SYTL5: variants seen among roughly 807,000 people sequenced by gnomAD.
The protein encoded by SYTL5 is synaptotagmin-like protein 5.
In SYTL5, 34 loss-of-function variants were observed where a neutral mutation model predicts 55.9. That is an observed-to-expected ratio of 0.61 (90% CI 0.46 to 0.81). SYTL5 has a LOEUF of 0.81. Among genes scored for constraint, SYTL5 ranks in the 30% least tolerant of loss-of-function variants. The pLI, the probability that SYTL5 is intolerant of heterozygous loss-of-function variation, is 0.00. For missense variants in SYTL5, 637 were observed against 546.7 expected (o/e 1.17, Z -1.65); for synonymous variants, 221 against 188.7 (o/e 1.17, Z -1.40).
the SYTL5 span, among the ~76,000 whole-genome samples, chrX:37,904,219 G>T: frequency 9.6e-6 from 1 of 103,835 alleles, no homozygotes; most frequent in African/African-American, 3.5e-5. Context: ...TAAGAATTTT[G>T]ATCCAATCTT....
In SYTL5 at chrX:38,089,595, C is replaced by A. The variant is rs1261058387; in HGVS notation, c.831+8C>A. 5.0e-6 allele frequency: 6 copies of A among 1,203,790 alleles called. No homozygotes were observed. The highest frequency in any genetic ancestry group is 3.6e-5 in the South Asian group (2 of 55,336). Reference sequence around the variant, plus strand: ...ACCTCAGTCATCAGTAGAGTAAGTACACAAACCTGATGAACACCGTATTAG... The same window carrying A: ...ACCTCAGTCATCAGTAGAGTAAGTAAACAAACCTGATGAACACCGTATTAG... On this transcript the variant is annotated splice_region_variant and intron_variant, in intron 7 of 16. Coordinates refer to ENST00000297875, the MANE Select transcript of SYTL5 (RefSeq NM_138780.3).
intron 10 of SYTL5, among the ~76,000 whole-genome samples, chrX:38,103,530 T>G (rs1937134273): frequency 9.1e-6 from 1 of 110,407 alleles, no homozygotes; most frequent in Non-Finnish European, 1.9e-5. Flanking sequence ...TACAGAGATC[T>G]AGTATAGACA....
At chrX:38,086,611 T>G (rs1936665892) in intron 6 of SYTL5, among the ~76,000 whole-genome samples, 1 of 111,987 alleles carries the variant, frequency 8.9e-6, no homozygotes, top group Non-Finnish European at 1.9e-5. Flanking sequence ...TATTTAAATC[T>G]GAGTAACATT....
chrX:37,895,695 G>A, the SYTL5 span, among the ~76,000 whole-genome samples: 101 of 109,001 alleles, frequency 9.3e-4, no homozygotes, highest in African/African-American at 3.3e-3. Flanking sequence ...AAAAACGTAG[G>A]AAGGCAAGAC....
intron 1 of SYTL5, among the ~76,000 whole-genome samples, chrX:38,023,309 T>G (rs570267259): frequency 3.9e-4 from 44 of 112,161 alleles, no homozygotes; most frequent in African/African-American, 1.2e-3. Flanking sequence ...GGCTTCTTAC[T>G]CTAGTCAGTC....
chrX:38,076,324 C>A (rs945876199), intron 5 of SYTL5, among the ~76,000 whole-genome samples: 15 of 111,628 alleles, frequency 1.3e-4, no homozygotes, highest in African/African-American at 4.9e-4. Context: ...AATAGGCAGT[C>A]TTTTGCTTAG....
At chrX:37,994,441 G>A in the SYTL5 span, 6 of 126,271 alleles carry the variant, frequency 4.8e-5, no homozygotes, top group Non-Finnish European at 7.6e-5. Flanking sequence ...TTGGAACGCT[G>A]CCTGCGAGAA....
chrX:38,089,386 C>T, intron 6 of SYTL5, 60 bp from the exon 7 acceptor site: 8 of 1,136,544 alleles, frequency 7.0e-6, no homozygotes, highest in Non-Finnish European at 9.4e-6. Flanking sequence ...TTTACTCTGC[C>T]TGTGTATTTG....
rs904399587 is a variant in SYTL5, at chrX:38,126,890, T to C, written c.*160T>C. On this transcript the variant is annotated 3_prime_UTR_variant, in exon 17 of 17. Transcript: ENST00000297875. ...GTCAGTAGTATGAACATTTAGGGTC[T>C]TGCTGAGTGCCTAAAAAACATATAT... The C allele has an allele frequency of 4.7e-5, 23 of 486,025 alleles. No individual in the cohort carries two copies. The highest frequency in any genetic ancestry group is 4.6e-4 in the African/African-American group (19 of 41,291). The allele number at this position is 486,025 out of a possible 1,213,427, so 40.1% of individuals were successfully genotyped here.
the SYTL5 span, among the ~76,000 whole-genome samples, chrX:37,890,582 G>A: frequency 1.8e-5 from 2 of 111,309 alleles, no homozygotes; most frequent in East Asian, 2.8e-4. Context: ...GGTTTGGTCC[G>A]GGAACACTAA....
chrX:37,962,102 C>A, the SYTL5 span, among the ~76,000 whole-genome samples: 1 of 108,869 alleles, frequency 9.2e-6, no homozygotes, highest in South Asian at 3.9e-4. Context: ...ACTTTAAGTT[C>A]TAGGGTACAT....
the SYTL5 span, among the ~76,000 whole-genome samples, chrX:37,952,632 G>A: frequency 9.0e-6 from 1 of 111,006 alleles, no homozygotes; most frequent in East Asian, 2.8e-4. Flanking sequence ...GACACTAGGA[G>A]GGATGAAGAA....
intron 10 of SYTL5, among the ~76,000 whole-genome samples, chrX:38,104,258 A>G (rs1465164985): frequency 1.8e-5 from 2 of 111,816 alleles, no homozygotes; most frequent in Non-Finnish European, 3.8e-5. Flanking sequence ...AGAATTTAAA[A>G]TATTTCTGTG....
the SYTL5 span, among the ~76,000 whole-genome samples, chrX:37,986,252 C>T: frequency 9.1e-6 from 1 of 109,836 alleles, no homozygotes; most frequent in African/African-American, 3.3e-5. Context: ...CCAGGAGCTT[C>T]GGCAAGACTC....
chrX:37,891,126 A>T, the SYTL5 span, among the ~76,000 whole-genome samples: 1 of 112,449 alleles, frequency 8.9e-6, no homozygotes, highest in South Asian at 3.7e-4. Flanking sequence ...TTCACTCCTC[A>T]GTATATATCC....
chrX:37,978,928 A>G, the SYTL5 span, among the ~76,000 whole-genome samples: 1 of 111,847 alleles, frequency 8.9e-6, no homozygotes, highest in African/African-American at 3.2e-5. Context: ...TGTGCAGTAC[A>G]TTCTGTATTA....
chrX:37,924,016 C>A, the SYTL5 span, among the ~76,000 whole-genome samples: 60 of 111,383 alleles, frequency 5.4e-4, no homozygotes, highest in Non-Finnish European at 7.5e-4. Context: ...CTACCAGACA[C>A]CGAAGATGAT....
intron 6 of SYTL5, among the ~76,000 whole-genome samples, chrX:38,086,501 T>A (rs1409808989): frequency 4.4e-5 from 5 of 112,369 alleles, no homozygotes; most frequent in African/African-American, 1.6e-4. Context: ...TCCCCACATT[T>A]GGGCCTTTTA....
At chrX:38,044,121 A>T in intron 2 of SYTL5, among the ~76,000 whole-genome samples, 1 of 111,370 alleles carries the variant, frequency 9.0e-6, no homozygotes, top group South Asian at 3.8e-4. Context: ...ACTGCCAGTG[A>T]TGGTTTTCAG....
Sources: allele counts gnomAD v4.1 joint callset (sites outside exome capture counted in the v4.1 genomes callset), GRCh38; gene constraint gnomAD v4.1.1; transcripts MANE v1.5; gene names NCBI Gene and HGNC (gene_info 2026-07-23, HGNC 2026-07-21).